The following MTUS2 variants were observed in gnomAD, a reference collection of about 807,000 sequenced individuals.
MTUS2 encodes microtubule-associated tumor suppressor candidate 2.
In MTUS2, 40 loss-of-function variants were observed where a neutral mutation model predicts 114.1. The observed-to-expected ratio is 0.35, with a 90% CI of 0.27 to 0.46. The LOEUF is 0.46. MTUS2 is among the 20% of genes least tolerant of loss of function. The pLI, the probability that MTUS2 is intolerant of heterozygous loss-of-function variation, is 1.00. For missense variants in MTUS2, 1,679 were observed against 1,705.4 expected, an observed-to-expected ratio of 0.98 and a Z score of 0.27; for synonymous variants, 688 against 672.0, an observed-to-expected ratio of 1.02 and a Z score of -0.37.
At chr13:28,959,800 T>G (rs568554488) in intron 2 of MTUS2, among the ~76,000 whole-genome samples, 17 of 152,254 alleles carry the variant, frequency 1.1e-4, no homozygotes, top group African/African-American at 3.6e-4. Context: ...CCTCCAACAT[T>G]GGAGGGTACA....
At chr13:28,827,993 C>T (rs1874386408) in intron 1 of MTUS2, among the ~76,000 whole-genome samples, 1 of 152,048 alleles carries the variant, frequency 6.6e-6, no homozygotes, top group African/African-American at 2.4e-5. Flanking sequence ...ACTAGTCTGA[C>T]CAAAATTTAT....
intron 2 of MTUS2, among the ~76,000 whole-genome samples, chr13:28,905,394 T>C (rs186782263): frequency 6.6e-6 from 1 of 151,702 alleles, no homozygotes; most frequent in Admixed American, 6.6e-5. Flanking sequence ...TGTGGGTTTG[T>C]CATAGATAGC....
chr13:29,062,021 G>C (rs1435639344), intron 4 of MTUS2, among the ~76,000 whole-genome samples: 2 of 152,156 alleles, frequency 1.3e-5, no homozygotes, highest in Non-Finnish European at 2.9e-5. Flanking sequence ...GTCTCCTTCT[G>C]TTGCTTAGAC....
chr13:29,372,137 CAAT>C (rs755463147), intron 8 of MTUS2, among the ~76,000 whole-genome samples: 10 of 150,836 alleles, frequency 6.6e-5, no homozygotes, highest in Middle Eastern at 6.8e-3. Context: ...AATTGTACCT[CAAT>C]AAAGCTGGCT....
At chr13:28,905,558 A>T (rs1879945291) in intron 2 of MTUS2, among the ~76,000 whole-genome samples, 1 of 151,362 alleles carries the variant, frequency 6.6e-6, no homozygotes, top group African/African-American at 2.4e-5. Flanking sequence ...GATTACATTT[A>T]TTGATTTTCG....
intron 5 of MTUS2, among the ~76,000 whole-genome samples, chr13:29,277,025 A>G (rs1331216942): frequency 6.6e-6 from 1 of 152,166 alleles, no homozygotes; most frequent in Non-Finnish European, 1.5e-5. Flanking sequence ...ATACCCTTCA[A>G]CTAACAGTTA....
rs139691362 is a variant in MTUS2, at chr13:28,941,855, A to AGT, written c.-242-82602_-242-82601insGT. Among the ~76,000 whole-genome samples the AGT allele has an allele frequency of 1.2e-4, 18 of 152,306 alleles. No homozygotes were observed. In the East Asian group the frequency reaches 3.5e-3, roughly 29 times the overall value. On this transcript the variant is annotated intron_variant, in intron 2 of 15. Transcript: ENST00000612955. ...TATCTTGCACTTTAAATTATTTTTT[A>AGT]CTAGTGCATGGTTTTCTAACACTAT...
intron 9 of MTUS2, among the ~76,000 whole-genome samples, chr13:29,463,582 A>G (rs1348072129): frequency 7.4e-6 from 1 of 134,328 alleles, no homozygotes; most frequent in Non-Finnish European, 1.6e-5. Context: ...GCCCAGAGCT[A>G]GGTGACTTGC....
At chr13:29,391,062 C>T (rs1873419738) in intron 8 of MTUS2, among the ~76,000 whole-genome samples, 1 of 151,650 alleles carries the variant, frequency 6.6e-6, no homozygotes, top group Admixed American at 6.6e-5. Flanking sequence ...GAGGCATGAG[C>T]CACCGTGTGC....
intron 2 of MTUS2, among the ~76,000 whole-genome samples, chr13:28,919,705 T>C (rs1175839856): frequency 6.6e-6 from 1 of 152,188 alleles, no homozygotes; most frequent in East Asian, 1.9e-4. Flanking sequence ...CAAAAAACTC[T>C]TAGATTTGCC....
At chr13:28,826,292 G>A (rs1341312860) in intron 1 of MTUS2, among the ~76,000 whole-genome samples, 1 of 152,084 alleles carries the variant, frequency 6.6e-6, no homozygotes, top group East Asian at 1.9e-4. Flanking sequence ...TGAATGAATA[G>A]ATAAAAAATG....
intron 5 of MTUS2, among the ~76,000 whole-genome samples, chr13:29,128,189 C>T (rs1379605023): frequency 6.6e-6 from 1 of 152,136 alleles, no homozygotes; most frequent in Non-Finnish European, 1.5e-5. Flanking sequence ...ATTGCAGCAG[C>T]GAGATGGGAT....
At chr13:28,924,106 T>C (rs1881197903) in intron 2 of MTUS2, among the ~76,000 whole-genome samples, 2 of 152,086 alleles carry the variant, frequency 1.3e-5, no homozygotes, top group African/African-American at 4.8e-5. Context: ...TCACTTCTCT[T>C]GCTTGGTTGA....
chr13:28,826,173 T>C (rs1457133821), intron 1 of MTUS2, among the ~76,000 whole-genome samples: 1 of 152,202 alleles, frequency 6.6e-6, no homozygotes, highest in Non-Finnish European at 1.5e-5. Context: ...CAAGCTCTTA[T>C]TAATTATAAC....
intron 1 of MTUS2, among the ~76,000 whole-genome samples, chr13:28,827,568 C>G (rs1030647624): frequency 1.3e-5 from 2 of 152,232 alleles, no homozygotes; most frequent in African/African-American, 4.8e-5. Context: ...GGAATGTGAC[C>G]TGCAGCCACA....
intron 2 of MTUS2, among the ~76,000 whole-genome samples, chr13:28,974,682 T>C (rs923653108): frequency 8.5e-5 from 13 of 152,212 alleles, no homozygotes; most frequent in African/African-American, 3.1e-4. Flanking sequence ...CCTGTTCCTT[T>C]AGAATTGAAA....
intron 4 of MTUS2, among the ~76,000 whole-genome samples, chr13:29,035,085 C>T (rs988833114): frequency 1.3e-5 from 2 of 152,146 alleles, no homozygotes; most frequent in Non-Finnish European, 2.9e-5. Context: ...GAGGCTGGCT[C>T]ATTCATATTT....
chr13:29,487,340 A>G (rs1474586610), intron 10 of MTUS2, among the ~76,000 whole-genome samples: 1 of 152,226 alleles, frequency 6.6e-6, no homozygotes. Context: ...TAGCTCTGCC[A>G]TTTATTAGCC....
chr13:29,476,452 A>C lies in MTUS2; in HGVS notation c.3185-3698A>C, dbSNP rs1275184831. On this transcript the variant is annotated intron_variant, in intron 9 of 15. Transcript: ENST00000612955. ...ATATGAACTTTCCTTCTATAAAAAC[A>C]TCTAAATTTATCCTCTGAGATATAT... 2.6e-5 allele frequency: 4 copies of C among 152,382 alleles called. No individual in the cohort carries two copies. The South Asian group carries it at 6.2e-4, about 24-fold the overall frequency. The allele number at this position is 152,382 out of a possible 1,614,324, so 9.4% of individuals were successfully genotyped here. A position where few individuals can be genotyped will look rare whatever the true frequency, so the allele number is the denominator to read the frequency against.
Sources: gnomAD v4.1 joint callset for allele counts (sites outside exome capture counted in the v4.1 genomes callset) on GRCh38, gnomAD v4.1.1 for gene constraint, MANE v1.5 for transcripts, NCBI Gene and HGNC (gene_info 2026-07-23, HGNC 2026-07-21) for gene names.